MRTFB: variants seen among roughly 807,000 people sequenced by gnomAD.
MRTFB encodes the protein myocardin related transcription factor B, also known as myocardin-related transcription factor B.
Under a neutral mutation model 104.2 loss-of-function variants are expected in MRTFB, and 29 were observed. The observed-to-expected ratio is 0.28, with a 90% CI of 0.21 to 0.38. The LOEUF is 0.38. Ranked by LOEUF, MRTFB falls within the 10% of genes least tolerant of loss-of-function variation. The pLI, the probability that MRTFB is intolerant of heterozygous loss-of-function variation, is 1.00. For missense variants in MRTFB, 1,270 were observed against 1,341.6 expected, an observed-to-expected ratio of 0.95 and a Z score of 0.83; for synonymous variants, 535 against 519.5, an observed-to-expected ratio of 1.03 and a Z score of -0.41.
At chr16:14,241,612 A>G (rs550155487) in intron 10 of MRTFB, 2 of 152,310 alleles carry the variant, frequency 1.3e-5, no homozygotes, top group South Asian at 4.1e-4. Context: ...TACGACCTGT[A>G]GAAACTTCTG....
the MRTFB span, among the ~76,000 whole-genome samples, chr16:14,058,681 A>T: frequency 3.6e-5 from 5 of 137,752 alleles, no homozygotes; most frequent in Admixed American, 7.3e-5. Flanking sequence ...AAACTAAAAC[A>T]TATTTATTTA....
intron 1 of MRTFB, among the ~76,000 whole-genome samples, chr16:14,078,936 CAG>C (rs751626753): frequency 6.6e-6 from 1 of 152,100 alleles, no homozygotes; most frequent in Admixed American, 6.5e-5. Context: ...TATGGGAAAA[CAG>C]GCACACAGAG....
chr16:14,196,677 T>C (rs1441884375), intron 3 of MRTFB, among the ~76,000 whole-genome samples: 1 of 152,228 alleles, frequency 6.6e-6, no homozygotes, highest in Non-Finnish European at 1.5e-5. Context: ...GTTTGCTCTT[T>C]GTAGTGTCTG....
chr16:14,061,861 A>T, the MRTFB span, among the ~76,000 whole-genome samples: 1 of 152,162 alleles, frequency 6.6e-6, no homozygotes. Context: ...ACAGAATTTA[A>T]GGTGGTTCCT....
intron 1 of MRTFB, among the ~76,000 whole-genome samples, chr16:14,072,356 T>C (rs549720718): frequency 1.3e-5 from 2 of 152,346 alleles, no homozygotes; most frequent in Admixed American, 6.5e-5. Flanking sequence ...TGACAGATGT[T>C]GCTGTACCAT....
At chr16:14,115,385 T>C (rs1474434819) in intron 2 of MRTFB, among the ~76,000 whole-genome samples, 2 of 152,204 alleles carry the variant, frequency 1.3e-5, no homozygotes, top group Non-Finnish European at 2.9e-5. Context: ...TTCCAAAAAA[T>C]AATCATGTGT....
At chr16:14,006,360 A>G in the MRTFB span, among the ~76,000 whole-genome samples, 103 of 151,808 alleles carry the variant, frequency 6.8e-4, no homozygotes, top group East Asian at 0.015. Flanking sequence ...AAAAAAAAAT[A>G]CAAAAATTAG....
intron 3 of MRTFB, among the ~76,000 whole-genome samples, chr16:14,146,438 A>G (rs1280103063): frequency 6.6e-6 from 1 of 152,222 alleles, no homozygotes; most frequent in African/African-American, 2.4e-5. Flanking sequence ...TTTTCCATCC[A>G]TTAAATTTAT....
the MRTFB span, among the ~76,000 whole-genome samples, chr16:14,053,772 T>G: frequency 6.6e-6 from 1 of 151,058 alleles, no homozygotes; most frequent in African/African-American, 2.4e-5. Flanking sequence ...GGAGGGCATC[T>G]GTGGTCCTAG....
At chr16:14,087,297 C>G (rs1013620093) in intron 2 of MRTFB, among the ~76,000 whole-genome samples, 1 of 152,168 alleles carries the variant, frequency 6.6e-6, no homozygotes, top group Non-Finnish European at 1.5e-5. Flanking sequence ...CAGTGAAACT[C>G]TCTAGGTTAA....
At chr16:14,167,733 C>T (rs1002495450) in intron 3 of MRTFB, among the ~76,000 whole-genome samples, 1 of 152,076 alleles carries the variant, frequency 6.6e-6, no homozygotes, top group Non-Finnish European at 1.5e-5. Flanking sequence ...GCTCTGTCGC[C>T]CAGGCTGGAG....
At chr16:14,032,862 C>T in the MRTFB span, among the ~76,000 whole-genome samples, 3 of 152,076 alleles carry the variant, frequency 2.0e-5, no homozygotes, top group South Asian at 6.2e-4. Flanking sequence ...TGCTCTGTCA[C>T]CCAGGCTGGA....
At chr16:14,208,800 C>T (rs2041063402) in intron 3 of MRTFB, among the ~76,000 whole-genome samples, 1 of 152,174 alleles carries the variant, frequency 6.6e-6, no homozygotes, top group East Asian at 1.9e-4. Context: ...AAAGATCTTT[C>T]TGTTAGCGCA....
At chr16:14,079,442 CT>C (rs2034266248) in intron 2 of MRTFB, 88 bp downstream of exon 2, 1 of 315,216 alleles carries the variant, frequency 3.2e-6, no homozygotes, top group South Asian at 1.6e-4. Flanking sequence ...TTCTTGAGGT[CT>C]AACAGGGAGA....
chr16:14,035,146 T>C, the MRTFB span, among the ~76,000 whole-genome samples: 3 of 152,200 alleles, frequency 2.0e-5, no homozygotes, highest in African/African-American at 7.2e-5. Flanking sequence ...GTTGCTCAGT[T>C]ACATCCTAAA....
chr16:14,126,642 GC>G (rs2037125166), intron 2 of MRTFB, among the ~76,000 whole-genome samples: 1 of 152,116 alleles, frequency 6.6e-6, no homozygotes, highest in Non-Finnish European at 1.5e-5. Flanking sequence ...TCATAGCTCT[GC>G]TGTGCGCCTC....
At chr16:14,146,470 ATC>A (rs1363107931) in intron 3 of MRTFB, among the ~76,000 whole-genome samples, 1 of 152,228 alleles carries the variant, frequency 6.6e-6, no homozygotes, top group Admixed American at 6.5e-5. Flanking sequence ...ACTTTAGATA[ATC>A]TCTTTTTCAG....
the MRTFB span, among the ~76,000 whole-genome samples, chr16:14,029,717 T>G: frequency 6.6e-6 from 1 of 152,042 alleles, no homozygotes; most frequent in African/African-American, 2.4e-5. Flanking sequence ...TGGAGCTGCC[T>G]CCTCCTCCAC....
At chr16:14,085,314 A>G (rs577597254) in intron 2 of MRTFB, among the ~76,000 whole-genome samples, 27 of 151,960 alleles carry the variant, frequency 1.8e-4, no homozygotes, top group African/African-American at 5.8e-4. Flanking sequence ...AAAATTAGCC[A>G]GGTGTGGTGG....
Sources: gnomAD v4.1 joint callset for allele counts (sites outside exome capture counted in the v4.1 genomes callset) on GRCh38, gnomAD v4.1.1 for gene constraint, MANE v1.5 for transcripts, NCBI Gene and HGNC (gene_info 2026-07-23, HGNC 2026-07-21) for gene names.